The following TRPM3 variants were observed in gnomAD, a reference collection of about 807,000 sequenced individuals.
TRPM3 encodes long transient receptor potential channel 3.
In TRPM3, 77 loss-of-function variants were observed where a neutral mutation model predicts 181.2. That is an observed-to-expected ratio of 0.42 (90% CI 0.35 to 0.51). The LOEUF (loss-of-function observed/expected upper bound fraction) is 0.51. TRPM3 is among the 20% of genes least tolerant of loss of function. The pLI, the probability that TRPM3 is intolerant of heterozygous loss-of-function variation, is 0.01. For missense variants in TRPM3, 1,759 were observed against 2,196.7 expected (o/e 0.80, Z 3.98); for synonymous variants, 745 against 796.4 (o/e 0.94, Z 1.09).
chr9:71,311,386 A>C (rs946925163), intron 1 of TRPM3, among the ~76,000 whole-genome samples: 8 of 152,280 alleles, frequency 5.3e-5, no homozygotes, highest in Admixed American at 5.2e-4. Flanking sequence ...TATCTCTTCA[A>C]GACAGTGTAG....
intron 1 of TRPM3, chr9:70,917,582 A>G: frequency 2.4e-6 from 1 of 424,934 alleles, no homozygotes; most frequent in Non-Finnish European, 4.5e-6. Context: ...TCAACTTAAA[A>G]TAATGGCTTA....
intron 1 of TRPM3, among the ~76,000 whole-genome samples, chr9:71,403,786 G>C (rs1341446612): frequency 6.6e-6 from 1 of 151,130 alleles, no homozygotes; most frequent in Non-Finnish European, 1.5e-5. Context: ...GTCTTCAGGA[G>C]ACACCATCAA....
chr9:71,373,192 C>G (rs2092572950), intron 1 of TRPM3, among the ~76,000 whole-genome samples: 1 of 151,774 alleles, frequency 6.6e-6, no homozygotes, highest in Non-Finnish European at 1.5e-5. Flanking sequence ...AGTTAACAAT[C>G]TAACATCTCA....
intron 1 of TRPM3, among the ~76,000 whole-genome samples, chr9:71,235,238 T>G (rs2081290931): frequency 6.6e-6 from 1 of 152,248 alleles, no homozygotes. Context: ...ATGGCTCCTC[T>G]TCAGAGAGGC....
chr9:71,400,537 C>A (rs572141280), intron 1 of TRPM3, among the ~76,000 whole-genome samples: 51 of 152,246 alleles, frequency 3.3e-4, no homozygotes, highest in Non-Finnish European at 1.5e-5. Flanking sequence ...GGTTAATATA[C>A]TTCTAATTGA....
chr9:70,968,889 G>C (rs1414274906), intron 1 of TRPM3, among the ~76,000 whole-genome samples: 1 of 151,956 alleles, frequency 6.6e-6, no homozygotes, highest in Non-Finnish European at 1.5e-5. Context: ...TTAAACATAA[G>C]ACCTAAAACC....
intron 24 of TRPM3, among the ~76,000 whole-genome samples, chr9:70,551,836 T>C (rs774896437): frequency 1.6e-4 from 25 of 152,144 alleles, no homozygotes; most frequent in Non-Finnish European, 2.9e-4. Flanking sequence ...CCCTCCAACT[T>C]TTCTCTTTGC....
chr9:71,295,561 G>A (rs990897142), intron 1 of TRPM3, among the ~76,000 whole-genome samples: 1 of 147,266 alleles, frequency 6.8e-6, no homozygotes, highest in Non-Finnish European at 1.5e-5. Flanking sequence ...CAGGTGCAGT[G>A]GCTAACAAAT....
intron 1 of TRPM3, among the ~76,000 whole-genome samples, chr9:71,199,045 C>A (rs1290129620): frequency 6.8e-6 from 1 of 147,328 alleles, no homozygotes; most frequent in Admixed American, 6.9e-5. Context: ...GAGATACGTC[C>A]CATCAATACC....
At chr9:71,032,928 C>A (rs1361441569) in intron 1 of TRPM3, among the ~76,000 whole-genome samples, 1 of 152,200 alleles carries the variant, frequency 6.6e-6, no homozygotes, top group Non-Finnish European at 1.5e-5. Context: ...CCTACCTATT[C>A]ATCATAGCTC....
At chr9:71,393,138 C>T (rs1388983023) in intron 1 of TRPM3, among the ~76,000 whole-genome samples, 1 of 152,068 alleles carries the variant, frequency 6.6e-6, no homozygotes, top group Admixed American at 6.6e-5. Flanking sequence ...GGAATAATTT[C>T]ACAGTAAGAA....
chr9:71,354,198 G>C (rs760008360), intron 1 of TRPM3, among the ~76,000 whole-genome samples: 1 of 152,280 alleles, frequency 6.6e-6, no homozygotes, highest in Admixed American at 6.5e-5. Context: ...AACTCTGGGA[G>C]AGAGTCAATA....
At chr9:70,950,458 T>C (rs757443011) in intron 1 of TRPM3, among the ~76,000 whole-genome samples, 15 of 152,198 alleles carry the variant, frequency 9.9e-5, no homozygotes, top group Non-Finnish European at 2.1e-4. Context: ...CCTGACAGTA[T>C]GGCAGAAGGA....
intron 1 of TRPM3, among the ~76,000 whole-genome samples, chr9:70,971,491 T>C (rs1351716636): frequency 6.6e-6 from 1 of 152,044 alleles, no homozygotes; most frequent in African/African-American, 2.4e-5. Flanking sequence ...TTGAGAACAA[T>C]GGCATGAAAA....
intron 1 of TRPM3, among the ~76,000 whole-genome samples, chr9:71,115,336 C>T (rs980039810): frequency 1.3e-5 from 2 of 152,048 alleles, no homozygotes; most frequent in African/African-American, 4.8e-5. Flanking sequence ...GAGAGTGGGC[C>T]CTGACTATTT....
chr9:70,743,207 G>A (rs916649635), intron 8 of TRPM3, among the ~76,000 whole-genome samples: 12 of 152,116 alleles, frequency 7.9e-5, no homozygotes, highest in African/African-American at 2.2e-4. Context: ...TCTGGATCAC[G>A]GAGGGTCTTG....
chr9:70,880,984 T>C (rs980482733), intron 1 of TRPM3, among the ~76,000 whole-genome samples: 1 of 152,132 alleles, frequency 6.6e-6, no homozygotes, highest in Non-Finnish European at 1.5e-5. Context: ...TAAAGAATAC[T>C]CCTATCTCTT....
intron 1 of TRPM3, among the ~76,000 whole-genome samples, chr9:70,966,181 A>G (rs1240697795): frequency 2.6e-5 from 4 of 152,112 alleles, no homozygotes; most frequent in African/African-American, 9.7e-5. Context: ...TGCAAATCAA[A>G]ACCACAATGA....
rs1427677354 is a variant in TRPM3, at chr9:71,394,258, G to A, written c.183+52395C>T. 3.9e-5 allele frequency among the ~76,000 whole-genome samples: 6 copies of A among 151,976 alleles called. 1 individual carries two copies. The highest frequency in any genetic ancestry group is 5.9e-5 in the Non-Finnish European group (4 of 67,988). ...TAAATATTCTTATAAAGAGTTTAAC[G>A]TGCAAGTAAAATACTTTCATAATTT... On this transcript the variant is annotated intron_variant, in intron 1 of 24. Coordinates refer to the TRPM3 transcript ENST00000357533.
Sources: allele counts gnomAD v4.1 joint callset (sites outside exome capture counted in the v4.1 genomes callset), GRCh38; gene constraint gnomAD v4.1.1; transcripts MANE v1.5; gene names NCBI Gene and HGNC (gene_info 2026-07-23, HGNC 2026-07-21).